Variants in GPR132 observed in about 807,000 individuals in gnomAD.
GPR132 encodes probable G protein-coupled receptor 132.
GPR132 carries 4 observed loss-of-function variants against 1.9 expected under a neutral mutation model. The observed-to-expected ratio is 2.13, with a 90% CI of 1.05 to 4.87. The LOEUF is 4.87. Ranked by LOEUF, GPR132 falls within the 30% of genes most tolerant of loss-of-function variation. GPR132 has a pLI of 0.01. For missense variants in GPR132, 404 were observed against 512.5 expected, an observed-to-expected ratio of 0.79 and a Z score of 2.04; for synonymous variants, 233 against 234.2, an observed-to-expected ratio of 0.99 and a Z score of 0.05.
chr14:105,057,292 G>C lies in GPR132; in HGVS notation c.-860-12C>G. The C allele has an allele frequency of 4.1e-6, 3 of 735,792 alleles. No homozygotes were observed. Among genetic ancestry groups the C allele is most frequent in the Non-Finnish European group, 2.3e-6 (1 of 429,140 alleles). The allele number at this position is 735,792 out of a possible 1,614,324, so 45.6% of individuals were successfully genotyped here. Reference sequence around the variant, plus strand: ...GAGTTTAAAATGACCTGGAAAAAGAGTAGGTTGAAATTGTTTTAGGGAAAT... The same window carrying C: ...GAGTTTAAAATGACCTGGAAAAAGACTAGGTTGAAATTGTTTTAGGGAAAT... On this transcript the variant is annotated splice_polypyrimidine_tract_variant and intron_variant, in intron 1 of 3. Coordinates refer to ENST00000329797, the MANE Select transcript of GPR132 (RefSeq NM_013345.4).
chr14:105,064,394 C>A (rs1157244175), intron 1 of GPR132, among the ~76,000 whole-genome samples: 20 of 152,036 alleles, frequency 1.3e-4, no homozygotes, highest in African/African-American at 4.8e-4. Flanking sequence ...AGTGCAATGG[C>A]GCGATCTCGG....
At position 105,050,727 on chromosome 14, in the gene GPR132, T is replaced by C. The variant is rs1886610253; in HGVS notation, c.*267A>G. On this transcript the variant is annotated 3_prime_UTR_variant, in exon 4 of 4. Transcript: ENST00000329797. The surrounding 1 kb of genome is among the most constrained non-coding windows in gnomAD (Gnocchi z 4.0). ...AGCCAAGGGAGCCAGCCAGGCAGGC[T>C]GCTGATGAAGAGGCCCCACTGCCTG... is the stretch of plus-strand genomic sequence containing the variant. The C allele has an allele frequency of 3.9e-6, 2 of 512,026 alleles. No individual in the cohort carries two copies. The highest frequency in any genetic ancestry group is 6.4e-5 in the East Asian group (2 of 31,478). 31.7% of individuals were successfully genotyped at this position (512,026 alleles called of 1,614,324 possible).
At chr14:105,062,928 GTTTA>G (rs1046077324) in intron 1 of GPR132, among the ~76,000 whole-genome samples, 9 of 150,766 alleles carry the variant, frequency 6.0e-5, no homozygotes, top group East Asian at 5.9e-4. Context: ...TTGTTTGTTT[GTTTA>G]TTTATTTATT....
intron 3 of GPR132, among the ~76,000 whole-genome samples, chr14:105,052,709 C>T (rs1886683593): frequency 6.6e-6 from 1 of 151,072 alleles, no homozygotes; most frequent in Non-Finnish European, 1.5e-5. Context: ...GTAATCCCAG[C>T]ATTTTGGGAG....
intron 3 of GPR132, among the ~76,000 whole-genome samples, chr14:105,053,610 G>C (rs531908687): frequency 6.6e-6 from 1 of 151,894 alleles, no homozygotes; most frequent in South Asian, 2.1e-4. Flanking sequence ...GTGAATTGGG[G>C]CATAGGAGTC....
intron 1 of GPR132, among the ~76,000 whole-genome samples, chr14:105,058,442 G>C (rs1886856884): frequency 6.6e-6 from 1 of 152,222 alleles, no homozygotes; most frequent in Non-Finnish European, 1.5e-5. Flanking sequence ...ATATCTGAAA[G>C]ACAGTCTTTT....
At position 105,059,195 on chromosome 14, in the gene GPR132, C is replaced by T. The variant is rs1023684927; in HGVS notation, c.-860-1915G>A. Among the ~76,000 whole-genome samples the T allele has an allele frequency of 4.6e-5, 7 of 152,210 alleles. No homozygotes were observed. Among genetic ancestry groups the T allele is most frequent in the African/African-American group, 7.2e-5 (3 of 41,478 alleles). On this transcript the variant is annotated intron_variant, in intron 1 of 3. Coordinates refer to ENST00000329797, the MANE Select transcript of GPR132 (RefSeq NM_013345.4). The surrounding 1 kb of genome is among the most constrained non-coding windows in gnomAD (Gnocchi z 4.2). The stretch of plus-strand genomic sequence containing the variant: ...CTACACAGCAAGGCCCCTTTGGGCC[C>T]GAGGCCTGTATGTTGAGAGGCTGGC...
At chr14:105,052,190 G>T in intron 3 of GPR132, 88 bp from the exon 4 acceptor site, 1 of 1,152,064 alleles carries the variant, frequency 8.7e-7, no homozygotes, top group Non-Finnish European at 1.2e-6. Context: ...TAGAAGCTTT[G>T]TGGTAGCTCA....
In GPR132 at chr14:105,052,051, G is replaced by A. The variant is rs1886664544; in HGVS notation, c.86C>T (p.Ser29Phe). Residue 29 changes from serine (S) to phenylalanine (F), a missense_variant, in exon 4 of 4, where the codon TCC becomes TTC. By Grantham distance (155) the Ser-to-Phe change is radical (BLOSUM62 -2). Coordinates refer to ENST00000329797, the MANE Select transcript of GPR132 (RefSeq NM_013345.4). ...GGACACGTTGTTGCAGGTCTTGGCGGAGAGGCCCAGGGAGGCCCACGGGGC... is the reference window on the plus strand; with the variant it reads ...GGACACGTTGTTGCAGGTCTTGGCGAAGAGGCCCAGGGAGGCCCACGGGGC... ...TTAPWASLGL[S>F]AKTCNNVSFE... 1.2e-6 allele frequency: 2 copies of A among 1,603,642 alleles called. No homozygotes were observed. Among genetic ancestry groups the A allele is most frequent in the Non-Finnish European group, 1.7e-6 (2 of 1,178,224 alleles).
chr14:105,052,722 TGAG>T (rs919257242), intron 3 of GPR132, among the ~76,000 whole-genome samples: 7 of 151,136 alleles, frequency 4.6e-5, no homozygotes, highest in African/African-American at 1.5e-4. Flanking sequence ...TTTGGGAGGC[TGAG>T]GCAGGCAGAT....
chr14:105,051,595 T>A lies in GPR132; in HGVS notation c.542A>T (p.Glu181Val). 1 of 1,614,006 alleles carries A rather than the reference T, an allele frequency of 6.2e-7. No individual in the cohort carries two copies. The highest frequency in any genetic ancestry group is 8.5e-7 in the Non-Finnish European group (1 of 1,180,048). Reference sequence around the variant, plus strand: ...CATGTCAAAGCAGGTCTCCTTGTCTTCCGTCTGGAACACCGGGTAGTGAAC... The same window carrying A: ...CATGTCAAAGCAGGTCTCCTTGTCTACCGTCTGGAACACCGGGTAGTGAAC... ...GIVHYPVFQTEDKETCFDMLQ... is the reference protein window; with the variant it reads ...GIVHYPVFQTVDKETCFDMLQ... The change falls in exon 4 of 4, where the codon GAA (glutamate) becomes GTA (valine). Residue 181 changes from glutamate (E) to valine (V), a missense_variant. Physicochemically the swap from Glu to Val is moderately radical, Grantham distance 121 (BLOSUM62 -2). Transcript: ENST00000329797. The surrounding 1 kb of genome is among the most constrained non-coding windows in gnomAD (Gnocchi z 8.0).
At chr14:105,061,745 G>GT (rs1170629249) in intron 1 of GPR132, among the ~76,000 whole-genome samples, 61 of 152,280 alleles carry the variant, frequency 4.0e-4, no homozygotes, top group African/African-American at 1.4e-3. Flanking sequence ...ACCCTCCTGG[G>GT]GGGGGGGAGT....
At chr14:105,052,901 G>A (rs1429761306) in intron 3 of GPR132, among the ~76,000 whole-genome samples, 2 of 151,226 alleles carry the variant, frequency 1.3e-5, no homozygotes, top group Non-Finnish European at 2.9e-5. Flanking sequence ...GGAGGTTGCA[G>A]TGAGCTGAGA....
chr14:105,052,477 G>A (rs1886677584), intron 3 of GPR132, among the ~76,000 whole-genome samples: 1 of 151,966 alleles, frequency 6.6e-6, no homozygotes, highest in Non-Finnish European at 1.5e-5. Flanking sequence ...ACAGGCACGT[G>A]CCACCATGCC....
chr14:105,055,048 C>T lies in GPR132; in HGVS notation c.34+339G>A, dbSNP rs1030939766. Among the ~76,000 whole-genome samples the T allele has an allele frequency of 6.5e-5, 9 of 139,182 alleles. No homozygotes were observed. Among genetic ancestry groups the T allele is most frequent in the Non-Finnish European group, 9.2e-5 (6 of 65,126 alleles). The allele number at this position is 139,182 out of a possible 152,430, so 91.3% of individuals were successfully genotyped here. A position where few individuals can be genotyped will look rare whatever the true frequency, so the allele number is the denominator to read the frequency against. ...CAAAAAAAAAAAAAAAAAAAAAATTCGGCCCCATGGGCCGTTCATTCCTTC... is the reference window on the plus strand; with the variant it reads ...CAAAAAAAAAAAAAAAAAAAAAATTTGGCCCCATGGGCCGTTCATTCCTTC... On this transcript the variant is annotated intron_variant, in intron 3 of 3. Coordinates refer to ENST00000329797, the MANE Select transcript of GPR132 (RefSeq NM_013345.4). The surrounding 1 kb of genome is among the most constrained non-coding windows in gnomAD (Gnocchi z 4.7).
chr14:105,051,760 A>T lies in GPR132; in HGVS notation c.377T>A (p.Ile126Asn), dbSNP rs751972948. The stretch of plus-strand genomic sequence containing the variant: ...GCACAGGAAGAGGATGCTGACGTAG[A>T]TGTTGCAGAAGAAGATGTAGGCGGT... ...KVTAYIFFCN[I>N]YVSILFLCCI... The change falls in exon 4 of 4, where the codon ATC becomes AAC. Residue 126 changes from isoleucine to asparagine, a missense_variant. By Grantham distance (149) the Ile-to-Asn change is moderately radical. Transcript: ENST00000329797. This position sits in a 1 kb window ranked among gnomAD's most constrained non-coding sequence, Gnocchi z 8.0. The T allele has an allele frequency of 1.9e-6, 3 of 1,614,026 alleles. No homozygotes were observed.
rs1316422275 is a variant in GPR132, at chr14:105,060,732, C to G, written c.-860-3452G>C. 6.6e-6 allele frequency among the ~76,000 whole-genome samples: 1 copy of G among 152,238 alleles called. No homozygotes were observed. The highest frequency in any genetic ancestry group is 1.5e-5 in the Non-Finnish European group (1 of 68,036). Reference sequence around the variant, plus strand: ...AACTGGACCAAGGGTTCTGGAAACCCTCCCAAACCTGGGAGGATGAACTCT... The same window carrying G: ...AACTGGACCAAGGGTTCTGGAAACCGTCCCAAACCTGGGAGGATGAACTCT... On this transcript the variant is annotated intron_variant, in intron 1 of 3. Coordinates refer to ENST00000329797, the MANE Select transcript of GPR132 (RefSeq NM_013345.4). This position sits in a 1 kb window ranked among gnomAD's most constrained non-coding sequence, Gnocchi z 6.3.
intron 3 of GPR132, among the ~76,000 whole-genome samples, chr14:105,052,425 T>C (rs1379834206): frequency 6.6e-6 from 1 of 152,088 alleles, no homozygotes; most frequent in African/African-American, 2.4e-5. Flanking sequence ...CCTCCTGGGT[T>C]CAGGCAATTC....
rs1886572482 is a variant in GPR132, at chr14:105,049,475, C to T, written c.*1519G>A. 1 of 152,112 alleles carries T rather than the reference C, an allele frequency of 6.6e-6. No homozygotes were observed. Among genetic ancestry groups the T allele is most frequent in the Non-Finnish European group, 1.5e-5 (1 of 68,028 alleles). The allele number at this position is 152,112 out of a possible 1,614,324, so 9.4% of individuals were successfully genotyped here. On this transcript the variant is annotated 3_prime_UTR_variant, in exon 4 of 4. Coordinates refer to ENST00000329797, the MANE Select transcript of GPR132 (RefSeq NM_013345.4). The stretch of plus-strand genomic sequence containing the variant: ...ACAAGATTTTGCCATGTTGCCGAGG[C>T]TGGTCTCAAACTCCTGACCTCAACT...
Sources: allele counts gnomAD v4.1 joint callset (sites outside exome capture counted in the v4.1 genomes callset), GRCh38; gene constraint gnomAD v4.1.1; non-coding constraint Gnocchi (gnomAD v3.1); transcripts MANE v1.5; gene names NCBI Gene and HGNC (gene_info 2026-07-23, HGNC 2026-07-21).